UBE2K: variants seen among roughly 807,000 people sequenced by gnomAD.
UBE2K encodes ubiquitin-conjugating enzyme E2 K.
Under a neutral mutation model 30.0 loss-of-function variants are expected in UBE2K, and 6 were observed. The observed-to-expected ratio is 0.20, with a 90% CI of 0.11 to 0.39. The LOEUF is 0.39. UBE2K is among the 10% of genes least tolerant of loss of function. The probability of loss-of-function intolerance (pLI) is 1.00; values close to 1 mark genes in which losing one functional copy is unlikely to be tolerated. For missense variants in UBE2K, 61 were observed against 241.6 expected (o/e 0.25, Z 4.96); for synonymous variants, 86 against 83.7 (o/e 1.03, Z -0.15).
At chr4:39,700,335 A>G (rs993190312) in intron 1 of UBE2K, among the ~76,000 whole-genome samples, 1 of 152,216 alleles carries the variant, frequency 6.6e-6, no homozygotes, top group Non-Finnish European at 1.5e-5. Flanking sequence ...TTTCAGAAGA[A>G]GAAAACAGGA....
intron 1 of UBE2K, among the ~76,000 whole-genome samples, chr4:39,718,903 G>A (rs1465247359): frequency 1.3e-5 from 2 of 152,276 alleles, no homozygotes; most frequent in Non-Finnish European, 2.9e-5. Flanking sequence ...CTCCCTGCAG[G>A]CTGAGGGAGC....
At chr4:39,756,183 T>A (rs1444466445) in intron 4 of UBE2K, among the ~76,000 whole-genome samples, 1 of 152,244 alleles carries the variant, frequency 6.6e-6, no homozygotes, top group African/African-American at 2.4e-5. Context: ...GTAGGTGATG[T>A]CTTCATTTGG....
chr4:39,764,335 T>G (rs749949844), intron 4 of UBE2K, among the ~76,000 whole-genome samples: 65 of 152,152 alleles, frequency 4.3e-4, no homozygotes, highest in Non-Finnish European at 8.5e-4. Flanking sequence ...AGTGACAACG[T>G]TTTCTCTTTG....
At chr4:39,736,512 C>G (rs1046136401) in intron 1 of UBE2K, among the ~76,000 whole-genome samples, 1 of 152,120 alleles carries the variant, frequency 6.6e-6, no homozygotes. Context: ...TTTAAAAAAT[C>G]GAGAGGATTT....
chr4:39,734,980 C>T (rs941200493), intron 1 of UBE2K, among the ~76,000 whole-genome samples: 5 of 152,174 alleles, frequency 3.3e-5, no homozygotes, highest in Non-Finnish European at 7.3e-5. Context: ...CCTTTAGTAT[C>T]CTATCATCTT....
At position 39,698,168 on chromosome 4, in the gene UBE2K, C is replaced by T. The variant is rs1326378437; in HGVS notation, c.-160C>T. On this transcript the variant is annotated 5_prime_UTR_variant, in exon 1 of 7. Transcript: ENST00000261427. ...TGGTGGCCGGGCGCGGAGGTGATTCCACACTGAGGCGAGCGCGGCGGCCGG... is the reference window on the plus strand; with the variant it reads ...TGGTGGCCGGGCGCGGAGGTGATTCTACACTGAGGCGAGCGCGGCGGCCGG... 1 of 736,216 alleles carries T rather than the reference C, an allele frequency of 1.4e-6. No individual in the cohort carries two copies. Among genetic ancestry groups the T allele is most frequent in the Non-Finnish European group, 2.4e-6 (1 of 419,042 alleles). 45.6% of individuals were successfully genotyped at this position (736,216 alleles called of 1,614,324 possible). A position where few individuals can be genotyped will look rare whatever the true frequency, so the allele number is the denominator to read the frequency against.
At chr4:39,734,473 A>G (rs1720246597) in intron 1 of UBE2K, among the ~76,000 whole-genome samples, 1 of 152,104 alleles carries the variant, frequency 6.6e-6, no homozygotes, top group Non-Finnish European at 1.5e-5. Context: ...TTCTTTCTAT[A>G]GAGTGAAAAA....
At chr4:39,771,355 G>C in intron 4 of UBE2K, 1 of 1,612,748 alleles carries the variant, frequency 6.2e-7, no homozygotes, top group Non-Finnish European at 8.5e-7. Context: ...CCACTCCTCT[G>C]CCCGGAGCTT....
At chr4:39,773,078 T>C (rs560353877) in intron 4 of UBE2K, among the ~76,000 whole-genome samples, 7 of 152,308 alleles carry the variant, frequency 4.6e-5, no homozygotes, top group African/African-American at 1.7e-4. Flanking sequence ...TATAAAGATA[T>C]TTTCCTTATA....
In UBE2K at chr4:39,716,264, G is replaced by GTGTCTGTCTGTCTGTC. The variant is rs138078900; in HGVS notation, c.63+17887_63+17888insGTCTGTCTGTCTGTCT. On this transcript the variant is annotated intron_variant, in intron 1 of 6. Transcript: ENST00000261427. ...GGACTATTTATTTATTTGAAACATG[G>GTGTCTGTCTGTCTGTC]TGTCTGTCTGTCTATCTATCATCCA... Among the ~76,000 whole-genome samples, 897 of 152,034 alleles carry GTGTCTGTCTGTCTGTC rather than the reference G, an allele frequency of 5.9e-3. 7 individuals carry two copies. Among genetic ancestry groups the GTGTCTGTCTGTCTGTC allele is most frequent in the African/African-American group, 0.02 (842 of 41,480 alleles).
chr4:39,724,553 C>T lies in UBE2K; in HGVS notation c.64-12867C>T, dbSNP rs1191416235. On this transcript the variant is annotated intron_variant, in intron 1 of 6. Coordinates refer to ENST00000261427, the MANE Select transcript of UBE2K (RefSeq NM_005339.5). Reference sequence around the variant, plus strand: ...CCTGAGTTCAGGAGTTCAAAATCAGCCTGGGCAACATGGTAAAACCCCGTC... The same window carrying T: ...CCTGAGTTCAGGAGTTCAAAATCAGTCTGGGCAACATGGTAAAACCCCGTC... Among the ~76,000 whole-genome samples the T allele has an allele frequency of 7.7e-5, 10 of 130,478 alleles. No homozygotes were observed. The South Asian group carries it at 2.4e-3, about 31-fold the overall frequency. 85.6% of individuals were successfully genotyped at this position (130,478 alleles called of 152,430 possible).
intron 1 of UBE2K, chr4:39,714,550 A>ATATATATATATATATTTTT: frequency 1.1e-4 from 2 of 17,850 alleles, no homozygotes; most frequent in African/African-American, 2.5e-4. Flanking sequence ...ATATATATAT[A>ATATATATATATATATTTTT]TTTTTTTTTT....
intron 1 of UBE2K, among the ~76,000 whole-genome samples, chr4:39,716,755 TAGG>T (rs1353055571): frequency 6.6e-6 from 1 of 152,014 alleles, no homozygotes; most frequent in African/African-American, 2.4e-5. Flanking sequence ...CCTAGCACTT[TAGG>T]AGGCCAAGGC....
intron 4 of UBE2K, among the ~76,000 whole-genome samples, chr4:39,769,837 C>A (rs537435513): frequency 6.6e-6 from 1 of 152,102 alleles, no homozygotes; most frequent in Non-Finnish European, 1.5e-5. Context: ...TTCTCTGGGA[C>A]CCCGTATTCC....
chr4:39,714,548 A>ATTTTTTTTTTTTTTTTTTT (rs1168820129), intron 1 of UBE2K: 9 of 24,678 alleles, frequency 3.6e-4, no homozygotes, highest in Non-Finnish European at 4.4e-4. Flanking sequence ...ATATATATAT[A>ATTTTTTTTTTTTTTTTTTT]TATTTTTTTT....
intron 1 of UBE2K, among the ~76,000 whole-genome samples, chr4:39,719,924 T>G (rs1719328400): frequency 6.6e-6 from 1 of 152,194 alleles, no homozygotes; most frequent in Non-Finnish European, 1.5e-5. Context: ...TACTGAGTGG[T>G]CATTGAGTGT....
At chr4:39,771,998 C>T (rs1712909397) in intron 4 of UBE2K, among the ~76,000 whole-genome samples, 1 of 152,164 alleles carries the variant, frequency 6.6e-6, no homozygotes, top group Non-Finnish European at 1.5e-5. Flanking sequence ...GCCACCACAT[C>T]TGGCTAATTT....
At chr4:39,767,099 T>C (rs139755681) in intron 4 of UBE2K, among the ~76,000 whole-genome samples, 93 of 152,302 alleles carry the variant, frequency 6.1e-4, no homozygotes, top group Non-Finnish European at 1.0e-3. Context: ...TCGTATTTTT[T>C]GCTTTGGTTT....
At chr4:39,753,077 G>GTGGTTA in intron 3 of UBE2K, among the ~76,000 whole-genome samples, 1 of 152,334 alleles carries the variant, frequency 6.6e-6, no homozygotes, top group South Asian at 2.1e-4. Flanking sequence ...TGTGAAATGT[G>GTGGTTA]TGGTTATATC....
Sources: gnomAD v4.1 joint callset for allele counts (sites outside exome capture counted in the v4.1 genomes callset) on GRCh38, gnomAD v4.1.1 for gene constraint, MANE v1.5 for transcripts, NCBI Gene and HGNC (gene_info 2026-07-23, HGNC 2026-07-21) for gene names.